Variants in LRP1B observed in about 807,000 individuals in gnomAD.
The protein encoded by LRP1B is LDL receptor related protein 1B.
In LRP1B, 217 loss-of-function variants were observed where a neutral mutation model predicts 556.6. The observed-to-expected ratio is 0.39, with a 90% confidence interval of 0.35 to 0.44. The LOEUF (loss-of-function observed/expected upper bound fraction) is 0.44, where lower values mean the gene tolerates loss of function less well. Ranked by LOEUF, LRP1B falls within the 20% of genes least tolerant of loss-of-function variation. LRP1B has a pLI of 1.00. For synonymous variants in LRP1B, 2,047 were observed against 1,865.8 expected (o/e 1.10, Z -2.50); for missense variants, 5,053 against 5,620.8 (o/e 0.90, Z 3.23).
intron 1 of LRP1B, among the ~76,000 whole-genome samples, chr2:142,064,290 C>T (rs951908197): frequency 1.3e-5 from 2 of 151,534 alleles, no homozygotes; most frequent in African/African-American, 4.8e-5. Context: ...GTTTACCACC[C>T]AACCACCAAA....
At position 140,826,082 on chromosome 2, in the gene LRP1B, G is replaced by A. The variant is rs192699130; in HGVS notation, c.5210-12276C>T. On this transcript the variant is annotated intron_variant, in intron 31 of 90. Transcript: ENST00000389484. Reference sequence around the variant, plus strand: ...CCCTGACAAAGAAACTCATTTTGTCGTCTTCAGCTTCAGCTCCTGCCTGAG... The same window carrying A: ...CCCTGACAAAGAAACTCATTTTGTCATCTTCAGCTTCAGCTCCTGCCTGAG... Among the ~76,000 whole-genome samples the A allele has an allele frequency of 3.9e-3, 591 of 152,242 alleles. 9 individuals carry two copies. Among genetic ancestry groups the A allele is most frequent in the African/African-American group, 0.013 (548 of 41,534 alleles).
At chr2:141,407,840 A>G (rs1690698437) in intron 3 of LRP1B, among the ~76,000 whole-genome samples, 1 of 152,186 alleles carries the variant, frequency 6.6e-6, no homozygotes, top group Admixed American at 6.5e-5. Flanking sequence ...CTAATATATA[A>G]ACACTAAAGT....
At chr2:141,913,679 C>A (rs2104957501) in intron 1 of LRP1B, among the ~76,000 whole-genome samples, 1 of 152,164 alleles carries the variant, frequency 6.6e-6, no homozygotes, top group African/African-American at 2.4e-5. Context: ...TAGGATTGTC[C>A]ATTGAGAATG....
chr2:141,438,350 C>CTCAT (rs919139238), intron 3 of LRP1B, among the ~76,000 whole-genome samples: 2 of 149,352 alleles, frequency 1.3e-5, no homozygotes, highest in East Asian at 1.9e-4. Flanking sequence ...CACTCACTCA[C>CTCAT]TCATTCATTC....
intron 31 of LRP1B, among the ~76,000 whole-genome samples, chr2:140,818,454 T>C (rs2105048186): frequency 6.6e-6 from 1 of 152,126 alleles, no homozygotes; most frequent in East Asian, 1.9e-4. Context: ...TACCCCAAAA[T>C]GAACATTTTT....
At chr2:142,027,020 G>C (rs1408965791) in intron 1 of LRP1B, among the ~76,000 whole-genome samples, 1 of 152,002 alleles carries the variant, frequency 6.6e-6, no homozygotes, top group East Asian at 1.9e-4. Flanking sequence ...CTATTCACTT[G>C]TAGCAGCTAG....
chr2:140,456,992 G>A lies in LRP1B; in HGVS notation c.9815-389C>T, dbSNP rs13399998. Among the ~76,000 whole-genome samples, 597 of 152,088 alleles carry A rather than the reference G, an allele frequency of 3.9e-3. 3 individuals carry two copies. Among genetic ancestry groups the A allele is most frequent in the African/African-American group, 0.014 (577 of 41,510 alleles). ...GTGTAATGACTTTGCTTTATAGGCC[G>A]GATAGGTTTTTTTAAGGAAAATAAT... On this transcript the variant is annotated intron_variant, in intron 61 of 90. Coordinates refer to ENST00000389484, the MANE Select transcript of LRP1B (RefSeq NM_018557.3).
At chr2:141,987,294 T>A (rs946767372) in intron 1 of LRP1B, among the ~76,000 whole-genome samples, 13 of 151,960 alleles carry the variant, frequency 8.6e-5, no homozygotes, top group Non-Finnish European at 1.3e-4. Context: ...TTCAGGAGTT[T>A]AAAAAAATAC....
intron 18 of LRP1B, 124 bp from the exon 19 acceptor site, chr2:140,952,064 G>C: frequency 1.5e-6 from 1 of 677,088 alleles, no homozygotes; most frequent in Non-Finnish European, 2.6e-6. Context: ...AGAGGAAATG[G>C]CAGATAAACA....
At position 141,923,564 on chromosome 2, in the gene LRP1B, A is replaced by G. The variant is rs1200222079; in HGVS notation, c.83-113163T>C. ...CTGTATTTCAGTTTTTTCTTACCAA[A>G]GCAAATTTCCAGTTGCCCTATATGG... is the stretch of plus-strand genomic sequence containing the variant. On this transcript the variant is annotated intron_variant, in intron 1 of 90. Coordinates refer to ENST00000389484, the MANE Select transcript of LRP1B (RefSeq NM_018557.3). Among the ~76,000 whole-genome samples the G allele has an allele frequency of 4.0e-5, 6 of 149,990 alleles. No individual in the cohort carries two copies. In the East Asian group the frequency reaches 9.8e-4, roughly 25 times the overall value.
chr2:140,260,403 C>A (rs1263013978), intron 86 of LRP1B, among the ~76,000 whole-genome samples: 1 of 151,776 alleles, frequency 6.6e-6, no homozygotes, highest in Non-Finnish European at 1.5e-5. Context: ...CAAATTCCAG[C>A]AATAAGAGAT....
chr2:141,077,111 G>T (rs1699807977), intron 7 of LRP1B, among the ~76,000 whole-genome samples: 2 of 152,132 alleles, frequency 1.3e-5, no homozygotes, highest in Non-Finnish European at 2.9e-5. Flanking sequence ...AGCCAGGCGT[G>T]GCAGCGTGTG....
intron 3 of LRP1B, among the ~76,000 whole-genome samples, chr2:141,435,496 T>A (rs1278532905): frequency 3.3e-5 from 5 of 152,154 alleles, no homozygotes; most frequent in African/African-American, 1.2e-4. Flanking sequence ...GAGTTCCCCA[T>A]AATCTGTCCC....
intron 41 of LRP1B, among the ~76,000 whole-genome samples, chr2:140,623,183 G>A (rs1683517977): frequency 6.6e-6 from 1 of 152,126 alleles, no homozygotes; most frequent in Admixed American, 6.5e-5. Context: ...GTCACATTGT[G>A]TGGCTAGACA....
At chr2:141,076,059 T>G (rs1320792868) in intron 7 of LRP1B, among the ~76,000 whole-genome samples, 6 of 152,216 alleles carry the variant, frequency 3.9e-5, no homozygotes, top group Non-Finnish European at 8.8e-5. Context: ...GAGGGGCAGA[T>G]GTACTTAGAA....
In LRP1B at chr2:141,889,175, TTAAG is replaced by T. The variant is rs746124442; in HGVS notation, c.83-78778_83-78775del. Among the ~76,000 whole-genome samples, 52 of 152,062 alleles carry T rather than the reference TTAAG, an allele frequency of 3.4e-4. 1 individual carries two copies. Among genetic ancestry groups the T allele is most frequent in the Admixed American group, 5.9e-4 (9 of 15,244 alleles). ...TGTTTTCCACTCTACATAATAATGC[TTAAG>T]TAAGCATTATTAATATTTTTTAAAA... On this transcript the variant is annotated intron_variant, in intron 1 of 90. Transcript: ENST00000389484.
chr2:141,642,013 C>T (rs573273929), intron 2 of LRP1B, among the ~76,000 whole-genome samples: 17 of 151,784 alleles, frequency 1.1e-4, no homozygotes, highest in Admixed American at 2.6e-4. Flanking sequence ...ACAAAACCCC[C>T]CCCCAAAAAA....
At chr2:140,919,729 A>G (rs1241367925) in intron 21 of LRP1B, among the ~76,000 whole-genome samples, 1 of 152,034 alleles carries the variant, frequency 6.6e-6, no homozygotes, top group African/African-American at 2.4e-5. Flanking sequence ...ATCAGGCAGT[A>G]TCTCCTTTAT....
intron 84 of LRP1B, among the ~76,000 whole-genome samples, chr2:140,287,144 T>G (rs531318253): frequency 2.0e-5 from 3 of 151,838 alleles, no homozygotes; most frequent in African/African-American, 7.2e-5. Context: ...ATTCTAGGAG[T>G]GTGAACTCAG....
Sources: allele counts gnomAD v4.1 joint callset (sites outside exome capture counted in the v4.1 genomes callset), GRCh38; gene constraint gnomAD v4.1.1; transcripts MANE v1.5; gene names NCBI Gene and HGNC (gene_info 2026-07-23, HGNC 2026-07-21).